The following FRY variants were observed in gnomAD, a reference collection of about 807,000 sequenced individuals.
The protein encoded by FRY is FRY microtubule binding protein.
FRY carries 128 observed loss-of-function variants against 348.4 expected under a neutral mutation model. That is an observed-to-expected ratio of 0.37 (90% confidence interval 0.32 to 0.43). FRY has a LOEUF of 0.43. FRY is among the 20% of genes least tolerant of loss of function. The pLI, the probability that FRY is intolerant of heterozygous loss-of-function variation, is 1.00. For synonymous variants in FRY, 1,370 were observed against 1,374.7 expected (o/e 1.00, Z 0.08); for missense variants, 2,736 against 3,695.2 (o/e 0.74, Z 6.73).
intron 14 of FRY, 101 bp downstream of exon 14, chr13:32,149,935 A>G (rs1189190778): frequency 1.3e-6 from 1 of 754,842 alleles, no homozygotes; most frequent in Non-Finnish European, 2.4e-6. Context: ...GTCTTCTCAC[A>G]AAGTCTTCTA....
intron 31 of FRY, among the ~76,000 whole-genome samples, chr13:32,205,523 A>G (rs1406774803): frequency 6.6e-6 from 1 of 152,238 alleles, no homozygotes; most frequent in Non-Finnish European, 1.5e-5. Flanking sequence ...TTTAGGTAAC[A>G]TAACGTGCAG....
chr13:32,204,465 G>A (rs2520708), intron 31 of FRY, among the ~76,000 whole-genome samples: 67,201 of 151,940 alleles, frequency 0.44, 15,093 homozygotes, highest in African/African-American at 0.47. Context: ...AGGGGCAGGG[G>A]AAAAAAAGCT....
intron 27 of FRY, among the ~76,000 whole-genome samples, chr13:32,187,011 C>T (rs185937842): frequency 1.3e-5 from 2 of 152,262 alleles, no homozygotes; most frequent in Admixed American, 6.5e-5. Context: ...CCTACTTTCC[C>T]TTGATTTATC....
intron 40 of FRY, among the ~76,000 whole-genome samples, chr13:32,230,116 C>G (rs1451393807): frequency 6.6e-6 from 1 of 152,116 alleles, no homozygotes; most frequent in Non-Finnish European, 1.5e-5. Flanking sequence ...AGGTTTGTTA[C>G]ATAGGTAAAC....
intron 13 of FRY, 131 bp from the exon 14 acceptor site, chr13:32,149,617 C>T: frequency 1.5e-6 from 1 of 685,096 alleles, no homozygotes; most frequent in South Asian, 1.6e-5. Flanking sequence ...TCTCTGCAAG[C>T]CACAAAACTG....
chr13:32,162,631 C>T (rs1326320400), intron 17 of FRY, among the ~76,000 whole-genome samples: 1 of 152,138 alleles, frequency 6.6e-6, no homozygotes, highest in Non-Finnish European at 1.5e-5. Flanking sequence ...AAGAACAGTG[C>T]TGAATGTGAA....
chr13:32,210,738 C>A, intron 33 of FRY, 128 bp from the exon 34 acceptor site: 2 of 767,132 alleles, frequency 2.6e-6, no homozygotes, highest in South Asian at 2.9e-5. Context: ...TAGGATAGCA[C>A]AAAGATTAGC....
At position 32,209,590 on chromosome 13, in the gene FRY, A is replaced by T. The variant is rs1292558115; in HGVS notation, c.4281A>T (p.Gly1427=). 1 of 1,613,966 alleles carries T rather than the reference A, an allele frequency of 6.2e-7. No individual in the cohort carries two copies. Among genetic ancestry groups the T allele is most frequent in the South Asian group, 1.1e-5 (1 of 91,072 alleles). ...CGGTTTTTATTTTGTTATAGTATGG[A>T]GATGAAGTTCCTGGGCCAGAAATGG... ...NNLMYMTAKY[G]DEVPGPEMEN... is the part of the protein sequence containing the mutation. Residue 1427 remains glycine (G), a synonymous_variant, in exon 33 of 61, where the codon GGA becomes GGT. Transcript: ENST00000542859.
intron 20 of FRY, among the ~76,000 whole-genome samples, chr13:32,176,823 A>T (rs1262384794): frequency 6.6e-6 from 1 of 152,216 alleles, no homozygotes; most frequent in Non-Finnish European, 1.5e-5. Flanking sequence ...GCTTTGTGCC[A>T]GGTGTTTTTA....
In FRY at chr13:32,184,980, A is replaced by C. The variant is rs766612663; in HGVS notation, c.3151A>C (p.Asn1051His). ...TTTCATTTTCCTTTATTCCAGCACA[A>C]ATGGAGCCCTAGAGCGGGATACTTT... ...ADAGVISDST[N>H]GALERDTLAL... Residue 1051 changes from asparagine to histidine, a missense_variant, in exon 26 of 61, where the codon AAT becomes CAT. Asn to His is a moderately conservative substitution (Grantham distance 68). Around this residue, in one of 9 missense-constraint regions of FRY, gnomAD observed 449 missense variants for 576.9 expected, o/e 0.78. Coordinates refer to ENST00000542859, the MANE Select transcript of FRY (RefSeq NM_023037.3). The C allele has an allele frequency of 3.7e-6, 6 of 1,613,620 alleles. No individual in the cohort carries two copies. The African/African-American group carries it at 4.0e-5, about 11-fold the overall frequency.
At chr13:32,238,761 T>C (rs1177460808) in intron 44 of FRY, among the ~76,000 whole-genome samples, 2 of 152,220 alleles carry the variant, frequency 1.3e-5, no homozygotes, top group African/African-American at 4.8e-5. Context: ...ACAAACCAGA[T>C]TTTTAATGCC....
chr13:32,056,345 G>A (rs1431417459), intron 1 of FRY, among the ~76,000 whole-genome samples: 2 of 152,176 alleles, frequency 1.3e-5, no homozygotes, highest in Non-Finnish European at 2.9e-5. Flanking sequence ...GTAGCTTGCT[G>A]TCAGAGGTAC....
At chr13:32,091,591 G>T (rs1251828860) in intron 2 of FRY, among the ~76,000 whole-genome samples, 1 of 152,042 alleles carries the variant, frequency 6.6e-6, no homozygotes, top group Non-Finnish European at 1.5e-5. Context: ...ACGCTTTGGT[G>T]CATTTTCACA....
chr13:32,096,024 T>G (rs940298606), intron 2 of FRY, among the ~76,000 whole-genome samples: 4 of 151,786 alleles, frequency 2.6e-5, no homozygotes, highest in African/African-American at 9.7e-5. Context: ...TTTTCCTCCC[T>G]TCCCTCCTTC....
In FRY at chr13:32,259,870, CAT is replaced by C. The variant is rs1359101680; in HGVS notation, c.7417-1743_7417-1742del. On this transcript the variant is annotated intron_variant, in intron 51 of 60. Transcript: ENST00000542859. ...TTTCTACCAAAAAAAAAGAAAAAAA[CAT>C]ATGGTGGTAATTTATCATAGCAGAT... Among the ~76,000 whole-genome samples, 4 of 151,980 alleles carry C rather than the reference CAT, an allele frequency of 2.6e-5. No homozygotes were observed. In the East Asian group the frequency reaches 7.7e-4, roughly 29 times the overall value.
chr13:32,163,644 T>A (rs1303650435), intron 17 of FRY, among the ~76,000 whole-genome samples: 1 of 152,178 alleles, frequency 6.6e-6, no homozygotes, highest in Non-Finnish European at 1.5e-5. Context: ...CATGCAGTGT[T>A]CTCTTTCTGG....
rs115081553 is a variant in FRY, at chr13:32,297,679, T to G, written c.*2219T>G. 86 of 152,322 alleles carry G rather than the reference T, an allele frequency of 5.6e-4. No individual in the cohort carries two copies. The highest frequency in any genetic ancestry group is 1.8e-3 in the African/African-American group (74 of 41,572). 9.4% of individuals were successfully genotyped at this position (152,322 alleles called of 1,614,324 possible). A position where few individuals can be genotyped will look rare whatever the true frequency, so the allele number is the denominator to read the frequency against. On this transcript the variant is annotated 3_prime_UTR_variant, in exon 61 of 61. Transcript: ENST00000542859. ...TACTTTAAGTGGAGATGGGAAAAAT[T>G]GTGTAGGATGCAGCCCCACGCCAGC...
At position 32,295,415 on chromosome 13, in the gene FRY, C is replaced by T. The variant is rs1227483651; in HGVS notation, c.8997C>T (p.Leu2999=). Residue 2999 remains leucine, a synonymous_variant, in exon 61 of 61, where the codon CTC becomes CTT. Transcript: ENST00000542859. ...GCAGGGCCCAGAGTTACCGAGTCCT[C>T]ACTACTTTTCTTCCAGACTCCAGTG... ...MIRRAQSYRV[L]TTFLPDSSVS... 4 of 1,612,394 alleles carry T rather than the reference C, an allele frequency of 2.5e-6. No individual in the cohort carries two copies. The South Asian group carries it at 3.3e-5, about 13-fold the overall frequency.
intron 1 of FRY, among the ~76,000 whole-genome samples, chr13:32,043,160 T>C: frequency 6.6e-6 from 1 of 152,018 alleles, no homozygotes; most frequent in Non-Finnish European, 1.5e-5. Flanking sequence ...GTGAAATGGG[T>C]TATCAAACCA....
Sources: allele counts gnomAD v4.1 joint callset (sites outside exome capture counted in the v4.1 genomes callset), GRCh38; gene constraint gnomAD v4.1.1; regional missense constraint gnomAD v4.1.1; transcripts MANE v1.5; gene names NCBI Gene and HGNC (gene_info 2026-07-23, HGNC 2026-07-21).